Variants in DIRAS1 observed in about 807,000 individuals in gnomAD.
The protein encoded by DIRAS1 is DIRAS family GTPase 1, also known as GTP-binding protein Di-Ras1.
DIRAS1 carries 3 observed loss-of-function variants against 11.5 expected under a neutral mutation model. The observed-to-expected ratio is 0.26, with a 90% CI of 0.12 to 0.67. The LOEUF (loss-of-function observed/expected upper bound fraction) is 0.67. DIRAS1 is among the 30% of genes least tolerant of loss of function. The pLI is 0.80. For synonymous variants in DIRAS1, 128 were observed against 125.8 expected, an observed-to-expected ratio of 1.02 and a Z score of -0.12; for missense variants, 212 against 285.3, an observed-to-expected ratio of 0.74 and a Z score of 1.85.
intron 1 of DIRAS1, among the ~76,000 whole-genome samples, chr19:2,720,592 C>T (rs1384619190): frequency 1.3e-5 from 2 of 152,202 alleles, no homozygotes; most frequent in African/African-American, 2.4e-5. Context: ...CCCAGACGTC[C>T]AGGCAGGGCC....
intron 1 of DIRAS1, among the ~76,000 whole-genome samples, chr19:2,720,335 C>T (rs1000313433): frequency 6.6e-6 from 1 of 152,228 alleles, no homozygotes; most frequent in East Asian, 1.9e-4. Flanking sequence ...GTACTGTCCT[C>T]CCCGCTGGGT....
In DIRAS1 at chr19:2,717,768, G is replaced by T; in HGVS notation, c.39C>A (p.Phe13Leu). The T allele has an allele frequency of 6.2e-7, 1 of 1,602,336 alleles. No individual in the cohort carries two copies. Among genetic ancestry groups the T allele is most frequent in the Non-Finnish European group, 8.5e-7 (1 of 1,179,854 alleles). The change falls in exon 2 of 2, where the codon TTC becomes TTA. Residue 13 changes from phenylalanine (F) to leucine (L), a missense_variant. Transcript: ENST00000323469. ...AGCTCTTGCCCACGCCGCCCGCCCC[G>T]AACACCACCACGCGGTAATCGTTAC... ...EQSNDYRVVV[F>L]GAGGVGKSSL...
In DIRAS1 at chr19:2,718,583, T is replaced by C. The variant is rs1203869875; in HGVS notation, c.-69-708A>G. On this transcript the variant is annotated intron_variant, in intron 1 of 1. Coordinates refer to ENST00000323469, the MANE Select transcript of DIRAS1 (RefSeq NM_145173.4). This position sits in a 1 kb window ranked among gnomAD's most constrained non-coding sequence, Gnocchi z 4.2. Reference sequence around the variant, plus strand: ...TCTTGCTGCCCAGGCTGGAGTGCAATGGCACAATCTTGGCTCGCCGCAACC... The same window carrying C: ...TCTTGCTGCCCAGGCTGGAGTGCAACGGCACAATCTTGGCTCGCCGCAACC... Among the ~76,000 whole-genome samples, 1 of 152,192 alleles carries C rather than the reference T, an allele frequency of 6.6e-6. No homozygotes were observed. Among genetic ancestry groups the C allele is most frequent in the East Asian group, 1.9e-4 (1 of 5,196 alleles).
Position 2,717,091 on chromosome 19 carries a change from C to T in DIRAS1, c.*119G>A. On this transcript the variant is annotated 3_prime_UTR_variant, in exon 2 of 2. Transcript: ENST00000323469. ...AGGGGGGGGCGGTGGCCTCGGTTTC[C>T]CCAGCCGAGGTGTCGGAGGAAGGAT... 1 of 1,177,876 alleles carries T rather than the reference C, an allele frequency of 8.5e-7. No individual in the cohort carries two copies. Among genetic ancestry groups the T allele is most frequent in the Non-Finnish European group, 1.2e-6 (1 of 851,684 alleles). 73.0% of individuals were successfully genotyped at this position (1,177,876 alleles called of 1,614,324 possible). A position where few individuals can be genotyped will look rare whatever the true frequency, so the allele number is the denominator to read the frequency against.
chr19:2,717,459 C>A lies in DIRAS1; in HGVS notation c.348G>T (p.Val116=), dbSNP rs1913848797. 2 of 1,610,882 alleles carry A rather than the reference C, an allele frequency of 1.2e-6. No individual in the cohort carries two copies. The highest frequency in any genetic ancestry group is 1.7e-6 in the Non-Finnish European group (2 of 1,180,002). The part of the protein sequence containing the change: ...QIKGSVEDIP[V]MLVGNKCDET... Reference sequence around the variant, plus strand: ...CATCGCACTTGTTGCCCACGAGCATCACGGGGATGTCCTCCACGCTGCCCT... The same window carrying A: ...CATCGCACTTGTTGCCCACGAGCATAACGGGGATGTCCTCCACGCTGCCCT... The change falls in exon 2 of 2, where the codon GTG becomes GTT. Residue 116 remains valine, a synonymous_variant. Transcript: ENST00000323469.
intron 1 of DIRAS1, among the ~76,000 whole-genome samples, chr19:2,719,584 G>C (rs1913906450): frequency 6.6e-6 from 1 of 151,666 alleles, no homozygotes; most frequent in African/African-American, 2.4e-5. Context: ...TGGGGCAGCG[G>C]TGGGGGGTGG....
intron 1 of DIRAS1, among the ~76,000 whole-genome samples, chr19:2,720,709 G>A (rs1913932519): frequency 1.3e-5 from 2 of 152,274 alleles, no homozygotes; most frequent in Middle Eastern, 3.4e-3. Context: ...AAAGCAGAGA[G>A]AGCCGCGACC....
Position 2,717,371 on chromosome 19 carries a change from A to G in DIRAS1, c.436T>C (p.Phe146Leu). ...QAVAQEWKCA[F>L]METSAKMNYN... is the part of the protein sequence containing the mutation. ...TTCATCTTGGCCGAGGTCTCCATGAAAGCGCACTTCCACTCCTGGGCCACC... is the reference window on the plus strand; with the variant it reads ...TTCATCTTGGCCGAGGTCTCCATGAGAGCGCACTTCCACTCCTGGGCCACC... Residue 146 changes from phenylalanine to leucine, a missense_variant, in exon 2 of 2, where the codon TTC becomes CTC. This residue lies in a region of DIRAS1 where 84 missense variants were observed against 79.9 expected (regional missense o/e 1.05). Coordinates refer to ENST00000323469, the MANE Select transcript of DIRAS1 (RefSeq NM_145173.4). 1 of 1,609,234 alleles carries G rather than the reference A, an allele frequency of 6.2e-7. No individual in the cohort carries two copies. Among genetic ancestry groups the G allele is most frequent in the Non-Finnish European group, 8.5e-7 (1 of 1,179,966 alleles).
Position 2,715,856 on chromosome 19 carries a change from T to C in DIRAS1, c.*1354A>G, listed in dbSNP as rs1034941493. Reference sequence around the variant, plus strand: ...TCACCCACTCCCCAAAATATAGTCATGCTCATACAGGCACAAAGATTCACA... The same window carrying C: ...TCACCCACTCCCCAAAATATAGTCACGCTCATACAGGCACAAAGATTCACA... On this transcript the variant is annotated 3_prime_UTR_variant, in exon 2 of 2. Transcript: ENST00000323469. 6.6e-6 allele frequency: 1 copy of C among 152,206 alleles called. No homozygotes were observed. The highest frequency in any genetic ancestry group is 1.5e-5 in the Non-Finnish European group (1 of 68,046). The allele number at this position is 152,206 out of a possible 1,614,324, so 9.4% of individuals were successfully genotyped here. A position where few individuals can be genotyped will look rare whatever the true frequency, so the allele number is the denominator to read the frequency against.
Position 2,717,170 on chromosome 19 carries a change from G to A in DIRAS1, c.*40C>T. The A allele has an allele frequency of 6.6e-7, 1 of 1,523,852 alleles. No individual in the cohort carries two copies. The highest frequency in any genetic ancestry group is 8.8e-7 in the Non-Finnish European group (1 of 1,135,666). The allele number at this position is 1,523,852 out of a possible 1,614,324, so 94.4% of individuals were successfully genotyped here. ...GTCGGTGTTGGGGGAGGCAGCGGGG[G>A]TCAGTGGGGGTGGGCGGCGGGCAGG... On this transcript the variant is annotated 3_prime_UTR_variant, in exon 2 of 2. Coordinates refer to ENST00000323469, the MANE Select transcript of DIRAS1 (RefSeq NM_145173.4).
At chr19:2,721,244 C>A (rs905612301) in intron 1 of DIRAS1, 60 bp downstream of exon 1, 1 of 148,924 alleles carries the variant, frequency 6.7e-6, no homozygotes, top group Non-Finnish European at 1.5e-5. Flanking sequence ...GGACGCGCGG[C>A]GGGGAGGACG....
In DIRAS1 at chr19:2,718,439, C is replaced by T. The variant is rs1913878236; in HGVS notation, c.-69-564G>A. 6.6e-6 allele frequency among the ~76,000 whole-genome samples: 1 copy of T among 152,214 alleles called. No individual in the cohort carries two copies. Among genetic ancestry groups the T allele is most frequent in the South Asian group, 2.1e-4 (1 of 4,836 alleles). Reference sequence around the variant, plus strand: ...CGCACATGGTCGGGTGTTTAAGATGCATATGTCAGGGCCGCAGCCCTAGGT... The same window carrying T: ...CGCACATGGTCGGGTGTTTAAGATGTATATGTCAGGGCCGCAGCCCTAGGT... On this transcript the variant is annotated intron_variant, in intron 1 of 1. Transcript: ENST00000323469. This position sits in a 1 kb window ranked among gnomAD's most constrained non-coding sequence, Gnocchi z 4.2.
chr19:2,717,836 C>A lies in DIRAS1; in HGVS notation c.-30G>T, dbSNP rs369206434. The A allele has an allele frequency of 1.2e-5, 19 of 1,557,530 alleles. No homozygotes were observed. The highest frequency in any genetic ancestry group is 1.6e-5 in the Non-Finnish European group (19 of 1,156,074). On this transcript the variant is annotated 5_prime_UTR_variant, in exon 2 of 2. Coordinates refer to ENST00000323469, the MANE Select transcript of DIRAS1 (RefSeq NM_145173.4). ...CCCGCGGCGGGTGGGCGGCCGGGGCCGGGAGGGCTGGTGCCAGCTGCAAGA... is the reference window on the plus strand; with the variant it reads ...CCCGCGGCGGGTGGGCGGCCGGGGCAGGGAGGGCTGGTGCCAGCTGCAAGA...
In DIRAS1 at chr19:2,717,882, A is replaced by T; in HGVS notation, c.-69-7T>A. The T allele has an allele frequency of 6.9e-7, 1 of 1,447,726 alleles. No individual in the cohort carries two copies. Among genetic ancestry groups the T allele is most frequent in the Non-Finnish European group, 9.2e-7 (1 of 1,084,140 alleles). 89.7% of individuals were successfully genotyped at this position (1,447,726 alleles called of 1,614,324 possible). ...CAAGAACCCCAGACCGAGCCTGTGCAGAGAGGAGGGTCACACGTCAAAGGC... is the reference window on the plus strand; with the variant it reads ...CAAGAACCCCAGACCGAGCCTGTGCTGAGAGGAGGGTCACACGTCAAAGGC... On this transcript the variant is annotated splice_region_variant and splice_polypyrimidine_tract_variant and intron_variant, in intron 1 of 1. Transcript: ENST00000323469.
chr19:2,720,914 C>G (rs1913937363), intron 1 of DIRAS1, among the ~76,000 whole-genome samples: 1 of 151,850 alleles, frequency 6.6e-6, no homozygotes, highest in African/African-American at 2.4e-5. Flanking sequence ...GGAGCCCACC[C>G]CGGGGAGGGG....
In DIRAS1 at chr19:2,716,947, GA is replaced by G; in HGVS notation, c.*262del. On this transcript the variant is annotated 3_prime_UTR_variant, in exon 2 of 2. Transcript: ENST00000323469. Reference sequence around the variant, plus strand: ...CCCCATCCTGTTTTCCCATCTGCAGGACAAGGGGGCCACCTCCGGCTCTTGG... The same window carrying G: ...CCCCATCCTGTTTTCCCATCTGCAGGCAAGGGGGCCACCTCCGGCTCTTGG... 1 of 461,806 alleles carries G rather than the reference GA, an allele frequency of 2.2e-6. No homozygotes were observed. The highest frequency in any genetic ancestry group is 2.0e-5 in the African/African-American group (1 of 51,246). 28.6% of individuals were successfully genotyped at this position (461,806 alleles called of 1,614,324 possible). A position where few individuals can be genotyped will look rare whatever the true frequency, so the allele number is the denominator to read the frequency against.
Position 2,717,197 on chromosome 19 carries a change from G to T in DIRAS1, c.*13C>A, listed in dbSNP as rs768391370. 4 of 1,563,266 alleles carry T rather than the reference G, an allele frequency of 2.6e-6. No individual in the cohort carries two copies. The highest frequency in any genetic ancestry group is 2.6e-6 in the Non-Finnish European group (3 of 1,152,254). On this transcript the variant is annotated 3_prime_UTR_variant, in exon 2 of 2. Coordinates refer to ENST00000323469, the MANE Select transcript of DIRAS1 (RefSeq NM_145173.4). ...CAGTGGGGGTGGGCGGCGGGCAGGC[G>T]GGCGTTCCGGGCTCACATGAGGGTG... is the stretch of plus-strand genomic sequence containing the variant.
chr19:2,716,507 A>G lies in DIRAS1; in HGVS notation c.*703T>C, dbSNP rs1913801462. 6.6e-6 allele frequency: 1 copy of G among 152,006 alleles called. No individual in the cohort carries two copies. The highest frequency in any genetic ancestry group is 6.6e-5 in the Admixed American group (1 of 15,238). The allele number at this position is 152,006 out of a possible 1,614,324, so 9.4% of individuals were successfully genotyped here. On this transcript the variant is annotated 3_prime_UTR_variant, in exon 2 of 2. Coordinates refer to ENST00000323469, the MANE Select transcript of DIRAS1 (RefSeq NM_145173.4). The stretch of plus-strand genomic sequence containing the variant: ...GCCCATGGTGCCTCTCCAGCGGGGC[A>G]GTTGTGCTGTGGATGTGGCTGGTCC...
intron 1 of DIRAS1, among the ~76,000 whole-genome samples, chr19:2,720,949 G>C (rs900656281): frequency 9.9e-5 from 15 of 151,514 alleles, no homozygotes; most frequent in African/African-American, 3.6e-4. Context: ...GCTTGGCTGG[G>C]CAGCGGGGCG....
Sources: gnomAD v4.1 joint callset for allele counts (sites outside exome capture counted in the v4.1 genomes callset) on GRCh38, gnomAD v4.1.1 for gene constraint, gnomAD v4.1.1 regional missense constraint, Gnocchi (gnomAD v3.1) non-coding constraint, MANE v1.5 for transcripts, NCBI Gene and HGNC (gene_info 2026-07-23, HGNC 2026-07-21) for gene names.